C2CD3: variants seen among roughly 807,000 people sequenced by gnomAD.
The protein encoded by C2CD3 is C2 domain-containing protein 3.
A neutral mutation model predicts 234.0 loss-of-function variants in C2CD3; 148 were observed. The observed-to-expected ratio is 0.63, with a 90% CI of 0.55 to 0.72. The LOEUF (loss-of-function observed/expected upper bound fraction) is 0.72, where lower values mean the gene tolerates loss of function less well. Ranked by LOEUF, C2CD3 falls within the 30% of genes least tolerant of loss-of-function variation. The pLI is 0.00. For missense variants in C2CD3, 2,577 were observed against 2,811.5 expected (o/e 0.92, Z 1.89); for synonymous variants, 1,000 against 1,035.4 (o/e 0.97, Z 0.66).
chr11:74,019,165 G>T (rs1182119135), intron 32 of C2CD3, among the ~76,000 whole-genome samples: 1 of 152,136 alleles, frequency 6.6e-6, no homozygotes, highest in East Asian at 1.9e-4. Flanking sequence ...GAGAGGGAAG[G>T]GTTAAAAGTT....
At chr11:74,131,834 A>G (rs1454008166) in intron 7 of C2CD3, among the ~76,000 whole-genome samples, 1 of 152,164 alleles carries the variant, frequency 6.6e-6, no homozygotes, top group Admixed American at 6.5e-5. Context: ...GGCCTCCCAA[A>G]GTGCTGGGAT....
chr11:74,134,712 T>A (rs1418684383), intron 5 of C2CD3, among the ~76,000 whole-genome samples: 1 of 152,072 alleles, frequency 6.6e-6, no homozygotes, highest in African/African-American at 2.4e-5. Flanking sequence ...GTCAAATATA[T>A]CCATAGTCTT....
intron 8 of C2CD3, among the ~76,000 whole-genome samples, chr11:74,120,638 C>T (rs568283468): frequency 7.9e-5 from 12 of 152,152 alleles, no homozygotes; most frequent in Non-Finnish European, 1.8e-4. Context: ...TTTGGGTATA[C>T]ACCCAGTCAT....
chr11:74,123,256 C>T (rs771519700), intron 7 of C2CD3, 121 bp from the exon 8 acceptor site: 20 of 676,512 alleles, frequency 3.0e-5, no homozygotes, highest in African/African-American at 5.4e-5. Context: ...ACAAAAGACT[C>T]ACATTAAACA....
At chr11:74,060,987 T>G (rs1954210340) in intron 24 of C2CD3, among the ~76,000 whole-genome samples, 1 of 152,154 alleles carries the variant, frequency 6.6e-6, no homozygotes, top group African/African-American at 2.4e-5. Context: ...GTGCACAACC[T>G]TCAGTAGCCC....
intron 17 of C2CD3, among the ~76,000 whole-genome samples, chr11:74,094,916 G>A (rs1420047317): frequency 2.0e-5 from 3 of 152,128 alleles, no homozygotes; most frequent in African/African-American, 7.2e-5. Flanking sequence ...CTTATACTAT[G>A]TGTATAGATA....
Position 74,074,375 on chromosome 11 carries a change from G to C in C2CD3, c.4829C>G (p.Thr1610Ser), listed in dbSNP as rs576006031. ...TGTGGTGCTGCTGCAGGGGACCTGG[G>C]TGGAGGCAGGAGACTTCTGGTGGCA... ...ISCHQKSPAS[T>S]QVPCSSTTAE... Residue 1610 changes from threonine to serine, a missense_variant, in exon 24 of 33, where the codon ACC becomes AGC. Transcript: ENST00000334126. 9.5e-5 allele frequency: 153 copies of C among 1,614,236 alleles called. No individual in the cohort carries two copies. The highest frequency in any genetic ancestry group is 1.3e-4 in the Non-Finnish European group (151 of 1,180,030).
chr11:74,156,251 T>C (rs962786979), intron 3 of C2CD3, among the ~76,000 whole-genome samples: 4 of 151,292 alleles, frequency 2.6e-5, no homozygotes, highest in African/African-American at 9.7e-5. Flanking sequence ...TCCAGCCTGG[T>C]GACCGAGCAA....
chr11:74,038,734 C>T (rs1952862645), intron 29 of C2CD3, among the ~76,000 whole-genome samples: 1 of 152,242 alleles, frequency 6.6e-6, no homozygotes, highest in African/African-American at 2.4e-5. Flanking sequence ...CTTTGCACCA[C>T]CTGTCCCTTA....
At chr11:74,088,411 T>C (rs1049070783) in intron 20 of C2CD3, among the ~76,000 whole-genome samples, 3 of 152,210 alleles carry the variant, frequency 2.0e-5, no homozygotes, top group Non-Finnish European at 4.4e-5. Context: ...CTGTGTCCAT[T>C]ATACCATGCA....
chr11:74,160,468 A>C (rs1466311936), intron 3 of C2CD3, among the ~76,000 whole-genome samples: 1 of 152,088 alleles, frequency 6.6e-6, no homozygotes, highest in East Asian at 1.9e-4. Flanking sequence ...CATTATGTTA[A>C]ATGAAATAAG....
intron 5 of C2CD3, among the ~76,000 whole-genome samples, chr11:74,133,977 T>C (rs1332782403): frequency 1.3e-5 from 2 of 152,312 alleles, no homozygotes; most frequent in Non-Finnish European, 2.9e-5. Flanking sequence ...AGCAGGTTAA[T>C]GGAAAAGTCA....
At chr11:74,024,009 G>A (rs148804379) in intron 32 of C2CD3, among the ~76,000 whole-genome samples, 194 of 152,258 alleles carry the variant, frequency 1.3e-3, no homozygotes, top group African/African-American at 4.3e-3. Flanking sequence ...TCTAAGAATC[G>A]AAACATCTCT....
intron 13 of C2CD3, among the ~76,000 whole-genome samples, chr11:74,104,504 G>T (rs1422419080): frequency 3.9e-5 from 6 of 152,044 alleles, no homozygotes. Flanking sequence ...AAAAAAATGT[G>T]TATGTACATG....
At chr11:74,162,295 T>C (rs1252387002) in intron 2 of C2CD3, among the ~76,000 whole-genome samples, 1 of 152,226 alleles carries the variant, frequency 6.6e-6, no homozygotes, top group Non-Finnish European at 1.5e-5. Flanking sequence ...AAAAAAGTGC[T>C]GACTGTATAT....
At chr11:74,125,858 C>T (rs1338758431) in intron 7 of C2CD3, among the ~76,000 whole-genome samples, 1 of 152,146 alleles carries the variant, frequency 6.6e-6, no homozygotes, top group Non-Finnish European at 1.5e-5. Flanking sequence ...TTCCATTCCC[C>T]TCCACCTCTG....
chr11:74,157,567 T>C (rs1856118204), intron 3 of C2CD3, among the ~76,000 whole-genome samples: 2 of 152,332 alleles, frequency 1.3e-5, no homozygotes, highest in African/African-American at 4.8e-5. Flanking sequence ...TCTGTTCCAC[T>C]GACAAAATTA....
chr11:74,120,488 C>T (rs936531251), intron 8 of C2CD3, among the ~76,000 whole-genome samples: 1 of 152,086 alleles, frequency 6.6e-6, no homozygotes, highest in African/African-American at 2.4e-5. Flanking sequence ...TAGTATTCCA[C>T]GGTGTATATG....
chr11:74,109,328 A>G, intron 11 of C2CD3, 176 bp from the exon 12 acceptor site: 1 of 526,116 alleles, frequency 1.9e-6, no homozygotes, highest in Non-Finnish European at 3.3e-6. Flanking sequence ...AGCAGGGACA[A>G]AGAGAAAACT....
Sources: allele counts gnomAD v4.1 joint callset (sites outside exome capture counted in the v4.1 genomes callset), GRCh38; gene constraint gnomAD v4.1.1; transcripts MANE v1.5; gene names NCBI Gene and HGNC (gene_info 2026-07-23, HGNC 2026-07-21).